Variants in DCTN1 observed in about 807,000 individuals in gnomAD.
The protein encoded by DCTN1 is 150 kDa dynein-associated polypeptide.
A neutral mutation model predicts 161.2 loss-of-function variants in DCTN1; 61 were observed. The ratio of observed to expected loss-of-function variants is 0.38; its 90% CI spans 0.31 to 0.47. The LOEUF is 0.47. Ranked by LOEUF, DCTN1 falls within the 20% of genes least tolerant of loss-of-function variation. DCTN1 has a pLI of 0.99. For missense variants in DCTN1, 1,404 were observed against 1,623.7 expected (o/e 0.86, Z 2.33); for synonymous variants, 653 against 632.4 (o/e 1.03, Z -0.49).
chr2:74,362,692 C>T lies in DCTN1; in HGVS notation c.3567G>A (p.Val1189=). Reference sequence around the variant, plus strand: ...TGTCACTCAGGGACTTAAGCTGAGCCACTTGCTCCATAAGTTGGGCCGACG... The same window carrying T: ...TGTCACTCAGGGACTTAAGCTGAGCTACTTGCTCCATAAGTTGGGCCGACG... ...KSPSAQLMEQ[V]AQLKSLSDTV... is the part of the protein sequence containing the mutation. The change falls in exon 30 of 32, where the codon GTG becomes GTA. Residue 1189 remains valine (V), a synonymous_variant. Transcript: ENST00000628224. 1.2e-6 allele frequency: 2 copies of T among 1,614,036 alleles called. No homozygotes were observed. Among genetic ancestry groups the T allele is most frequent in the South Asian group, 1.1e-5 (1 of 91,060 alleles).
Position 74,365,109 on chromosome 2 carries a change from T to C in DCTN1, c.3162A>G (p.Ser1054=), listed in dbSNP as rs1674304239. The change falls in exon 26 of 32, where the codon TCA becomes TCG. Residue 1054 remains serine, a synonymous_variant. Coordinates refer to ENST00000628224, the MANE Select transcript of DCTN1 (RefSeq NM_004082.5). Reference sequence around the variant, plus strand: ...TGCCAGAGACCAGAGTAGCAATGCCTGAAGGAGGAGGGCCCCGGAGTCCCT... The same window carrying C: ...TGCCAGAGACCAGAGTAGCAATGCCCGAAGGAGGAGGGCCCCGGAGTCCCT... ...TIEGLRGPPP[S]GIATLVSGIA... The C allele has an allele frequency of 1.2e-6, 2 of 1,614,050 alleles. No individual in the cohort carries two copies. Among genetic ancestry groups the C allele is most frequent in the African/African-American group, 1.3e-5 (1 of 74,912 alleles).
intron 27 of DCTN1, 86 bp from the exon 28 acceptor site, chr2:74,363,513 C>T (rs1674178173): frequency 1.3e-6 from 2 of 1,595,474 alleles, no homozygotes; most frequent in Non-Finnish European, 8.5e-7. Flanking sequence ...CTTTCCTCAT[C>T]CCCCCATCAC....
At chr2:74,391,655 C>A (rs1676006218) in intron 1 of DCTN1, 10 of 369,826 alleles carry the variant, frequency 2.7e-5, no homozygotes, top group South Asian at 2.0e-4. Context: ...TCAGGCGGAG[C>A]CCCCGGACCC....
intron 5 of DCTN1, 105 bp downstream of exon 5, chr2:74,376,637 C>T: frequency 8.7e-7 from 1 of 1,155,198 alleles, no homozygotes; most frequent in Non-Finnish European, 1.3e-6. Flanking sequence ...CCATCCCAGC[C>T]CAAGGTCACA....
rs371393698 is a variant in DCTN1, at chr2:74,363,636, C to T, written c.3197-8G>A. 2.3e-5 allele frequency: 37 copies of T among 1,613,466 alleles called. No homozygotes were observed. The African/African-American group carries it at 2.5e-4, about 11-fold the overall frequency. On this transcript the variant is annotated splice_polypyrimidine_tract_variant and splice_region_variant and intron_variant, in intron 26 of 31. Coordinates refer to ENST00000628224, the MANE Select transcript of DCTN1 (RefSeq NM_004082.5). Reference sequence around the variant, plus strand: ...TACCTCGCTGCTGTTCTTCTGTGCTCGGGATAGCCCATGGGGGAGCAGGAA... The same window carrying T: ...TACCTCGCTGCTGTTCTTCTGTGCTTGGGATAGCCCATGGGGGAGCAGGAA...
chr2:74,375,722 G>A (rs1336285475), intron 5 of DCTN1, among the ~76,000 whole-genome samples: 1 of 152,152 alleles, frequency 6.6e-6, no homozygotes, highest in African/African-American at 2.4e-5. Flanking sequence ...ATGGGCCCAG[G>A]ATCCTTCACA....
At chr2:74,382,931 C>T (rs1341742447), upstream of DCTN1, among the ~76,000 whole-genome samples, 2 of 151,526 alleles carry the variant, frequency 1.3e-5, no homozygotes, top group African/African-American at 4.8e-5. Context: ...AAAAATTAGC[C>T]GGGCGCGGTG....
rs1443315000 is a variant in DCTN1, at chr2:74,369,761, C to T, written c.1392+204G>A. Among the ~76,000 whole-genome samples, 3 of 148,322 alleles carry T rather than the reference C, an allele frequency of 2.0e-5. No individual in the cohort carries two copies. Among genetic ancestry groups the T allele is most frequent in the East Asian group, 2.0e-4 (1 of 5,030 alleles). On this transcript the variant is annotated intron_variant, in intron 13 of 31. Coordinates refer to ENST00000628224, the MANE Select transcript of DCTN1 (RefSeq NM_004082.5). This position sits in a 1 kb window ranked among gnomAD's most constrained non-coding sequence, Gnocchi z 4.9. ...CTGGGAGGCGGAGGTTGCAGTGAGC[C>T]GAGATTATTGCGCCACTGCGCTCCA...
intron 6 of DCTN1, chr2:74,373,301 C>T (rs890259637): frequency 1.1e-5 from 4 of 379,710 alleles, no homozygotes; most frequent in South Asian, 4.6e-5. Context: ...CTCCTGCTAA[C>T]GATCTCTCCA....
rs1403282920 is a variant in DCTN1, at chr2:74,362,734, G to C, written c.3530-5C>G. 1 of 1,613,646 alleles carries C rather than the reference G, an allele frequency of 6.2e-7. No homozygotes were observed. The highest frequency in any genetic ancestry group is 8.5e-7 in the Non-Finnish European group (1 of 1,179,934). On this transcript the variant is annotated splice_polypyrimidine_tract_variant and splice_region_variant and intron_variant, in intron 29 of 31. Transcript: ENST00000628224. The stretch of plus-strand genomic sequence containing the variant: ...GGGCCGACGGGCTCTTGGCAGCTGT[G>C]GGGAGAGAAAGCTGGTGAGGCCCAC...
At chr2:74,366,959 A>G (rs1390324495) in intron 20 of DCTN1, 27 bp from the exon 21 acceptor site, 1 of 1,614,230 alleles carries the variant, frequency 6.2e-7, no homozygotes, top group South Asian at 1.1e-5. Flanking sequence ...AAATGGATGG[A>G]GAACCAAGTT....
rs1213815094 is a variant in DCTN1, at chr2:74,380,155, G to A, written c.-118C>T. 4 of 1,097,486 alleles carry A rather than the reference G, an allele frequency of 3.6e-6. No homozygotes were observed. Among genetic ancestry groups the A allele is most frequent in the Non-Finnish European group, 5.5e-6 (4 of 728,826 alleles). The allele number at this position is 1,097,486 out of a possible 1,614,324, so 68.0% of individuals were successfully genotyped here. ...TCATAGAGGGACACAGGAGTCGTCA[G>A]GCACAGCCCTCCCCAGTCCATGGGC... On this transcript the variant is annotated 5_prime_UTR_variant, in exon 1 of 32. Coordinates refer to ENST00000628224, the MANE Select transcript of DCTN1 (RefSeq NM_004082.5).
chr2:74,375,633 T>C (rs1285729358), intron 5 of DCTN1, among the ~76,000 whole-genome samples: 1 of 152,176 alleles, frequency 6.6e-6, no homozygotes, highest in African/African-American at 2.4e-5. Context: ...CTCTTCTCTA[T>C]TCAAGGCCTG....
chr2:74,384,524 G>GA (rs61554726), upstream of DCTN1, among the ~76,000 whole-genome samples: 8,232 of 152,158 alleles, frequency 0.054, 450 homozygotes, highest in East Asian at 0.31. Flanking sequence ...GAGAGGAGGG[G>GA]AAAAATCTCT....
At chr2:74,372,339 C>T (rs1260503237) in intron 7 of DCTN1, among the ~76,000 whole-genome samples, 1 of 152,212 alleles carries the variant, frequency 6.6e-6, no homozygotes. Context: ...TACCCCTAGA[C>T]TCCCCCTTGA....
rs972429629 is a variant in DCTN1 at position 74,371,442 on chromosome 2, G to A, written c.645+95C>T. 102 of 1,355,320 alleles carry A rather than the reference G, an allele frequency of 7.5e-5. No individual in the cohort carries two copies. The East Asian group carries it at 8.1e-4, about 11-fold the overall frequency. 84.0% of individuals were successfully genotyped at this position (1,355,320 alleles called of 1,614,324 possible). A position where few individuals can be genotyped will look rare whatever the true frequency, so the allele number is the denominator to read the frequency against. ...CTCACCCTTTCTGATCCAAGTTCTAGGTCTTTGCCAACCCCAGGAAATTTT... is the reference window on the plus strand; with the variant it reads ...CTCACCCTTTCTGATCCAAGTTCTAAGTCTTTGCCAACCCCAGGAAATTTT... On this transcript the variant is annotated intron_variant, in intron 8 of 31. Coordinates refer to ENST00000628224, the MANE Select transcript of DCTN1 (RefSeq NM_004082.5).
intron 1 of DCTN1, among the ~76,000 whole-genome samples, chr2:74,389,687 C>T (rs1044534570): frequency 2.0e-5 from 3 of 152,186 alleles, no homozygotes; most frequent in African/African-American, 7.2e-5. Flanking sequence ...CATGTAATAG[C>T]TTTGAAAATT....
In DCTN1 at chr2:74,365,552, G is replaced by A; in HGVS notation, c.2992C>T (p.Leu998=). 1 of 1,614,120 alleles carries A rather than the reference G, an allele frequency of 6.2e-7. No individual in the cohort carries two copies. The highest frequency in any genetic ancestry group is 8.5e-7 in the Non-Finnish European group (1 of 1,180,016). The stretch of plus-strand genomic sequence containing the variant: ...CGCAGCAGTGCCTGGGTCTCCTCCA[G>A]CCGAGTCTGGACTTTCTCGATGCGC... ...DERIEKVQTR[L]EETQALLRKK... is the part of the protein sequence containing the mutation. The change falls in exon 25 of 32, where the codon CTG becomes TTG. Residue 998 remains leucine, a synonymous_variant. Transcript: ENST00000628224.
In DCTN1 at chr2:74,377,661, T is replaced by C. The variant is rs1675303256; in HGVS notation, c.345A>G (p.Lys115=). The change falls in exon 3 of 32, where the codon AAA becomes AAG. Residue 115 remains lysine (K), a synonymous_variant. Transcript: ENST00000628224. ...SPETPDSSAS[K]VLKREGTDTT... Reference sequence around the variant, plus strand: ...GGTGGTTGTTACCTCTTTTGAGGACTTTTGAAGCAGAAGAATCAGGTGTCT... The same window carrying C: ...GGTGGTTGTTACCTCTTTTGAGGACCTTTGAAGCAGAAGAATCAGGTGTCT... The C allele has an allele frequency of 1.2e-6, 2 of 1,614,178 alleles. No homozygotes were observed. Among genetic ancestry groups the C allele is most frequent in the Admixed American group, 1.7e-5 (1 of 60,030 alleles).
Sources: allele counts gnomAD v4.1 joint callset (sites outside exome capture counted in the v4.1 genomes callset), GRCh38; gene constraint gnomAD v4.1.1; non-coding constraint Gnocchi (gnomAD v3.1); transcripts MANE v1.5; gene names NCBI Gene and HGNC (gene_info 2026-07-23, HGNC 2026-07-21).